Variants in AMBRA1 observed in about 807,000 individuals in gnomAD.
AMBRA1 encodes autophagy and beclin 1 regulator 1.
A neutral mutation model predicts 125.4 loss-of-function variants in AMBRA1; 47 were observed. The observed-to-expected ratio is 0.37, with a 90% CI of 0.30 to 0.48. The LOEUF (loss-of-function observed/expected upper bound fraction) is 0.48, where lower values mean the gene tolerates loss of function less well. Among genes scored for constraint, AMBRA1 ranks in the 20% least tolerant of loss-of-function variants. The probability of loss-of-function intolerance (pLI) is 0.99; values close to 1 mark genes in which losing one functional copy is unlikely to be tolerated. For missense variants in AMBRA1, 1,331 were observed against 1,693.4 expected, an observed-to-expected ratio of 0.79 and a Z score of 3.76; for synonymous variants, 626 against 655.5, an observed-to-expected ratio of 0.95 and a Z score of 0.69.
At chr11:46,489,636 G>C (rs1950395010) in intron 11 of AMBRA1, among the ~76,000 whole-genome samples, 1 of 152,150 alleles carries the variant, frequency 6.6e-6, no homozygotes, top group South Asian at 2.1e-4. Flanking sequence ...GTCCACATCT[G>C]CTAGGAGCAG....
At position 46,593,958 on chromosome 11, in the gene AMBRA1, G is replaced by A; in HGVS notation, c.-251C>T. On this transcript the variant is annotated 5_prime_UTR_variant, in exon 1 of 18. Coordinates refer to ENST00000683756, the MANE Select transcript of AMBRA1 (RefSeq NM_001387011.1). ...GGCAGGAGAAGGCGGCTTGAGCGCGGGGCCTCGCGGACAACTCAGCCCTCG... is the reference window on the plus strand; with the variant it reads ...GGCAGGAGAAGGCGGCTTGAGCGCGAGGCCTCGCGGACAACTCAGCCCTCG... The A allele has an allele frequency of 2.5e-6, 1 of 398,680 alleles. No homozygotes were observed. Among genetic ancestry groups the A allele is most frequent in the Non-Finnish European group, 4.4e-6 (1 of 226,108 alleles). The allele number at this position is 398,680 out of a possible 1,614,324, so 24.7% of individuals were successfully genotyped here. A position where few individuals can be genotyped will look rare whatever the true frequency, so the allele number is the denominator to read the frequency against.
In AMBRA1 at chr11:46,397,768, C is replaced by T; in HGVS notation, c.3579G>A (p.Gln1193=). ...GGGCGGCACCAGGTTCAGTGCCCGT[C>T]TGAGAGCTGCGGTGAATGCGGTGGC... ...IVSHRIHRSS[Q]TGTEPGAAHT... Residue 1193 remains glutamine, a synonymous_variant, in exon 18 of 18, where the codon CAG becomes CAA. Coordinates refer to ENST00000683756, the MANE Select transcript of AMBRA1 (RefSeq NM_001387011.1). The T allele has an allele frequency of 6.2e-7, 1 of 1,612,116 alleles. No homozygotes were observed. Among genetic ancestry groups the T allele is most frequent in the Non-Finnish European group, 8.5e-7 (1 of 1,180,002 alleles).
rs1476224965 is a variant in AMBRA1, at chr11:46,496,836, G to C, written c.2340-2632C>G. 2.6e-5 allele frequency among the ~76,000 whole-genome samples: 4 copies of C among 151,612 alleles called. No homozygotes were observed. The East Asian group carries it at 7.7e-4, about 29-fold the overall frequency. Reference sequence around the variant, plus strand: ...AAAAAAAAAAAGGGAAGGGGGCTGGGTGTGGTGCCTCATGCCTGTAATCCC... The same window carrying C: ...AAAAAAAAAAAGGGAAGGGGGCTGGCTGTGGTGCCTCATGCCTGTAATCCC... On this transcript the variant is annotated intron_variant, in intron 9 of 17. Transcript: ENST00000683756.
At chr11:46,434,662 T>A (rs1947632253) in intron 13 of AMBRA1, among the ~76,000 whole-genome samples, 187 bp downstream of exon 13, 1 of 152,208 alleles carries the variant, frequency 6.6e-6, no homozygotes, top group Non-Finnish European at 1.5e-5. Context: ...AGGACTCTAA[T>A]GCTCAGATGC....
Position 46,545,560 on chromosome 11 carries a change from C to A in AMBRA1, c.551+44G>T, listed in dbSNP as rs373280576. On this transcript the variant is annotated intron_variant, in intron 5 of 17. Coordinates refer to ENST00000683756, the MANE Select transcript of AMBRA1 (RefSeq NM_001387011.1). ...ACAGCCAGTAGAATGTTCTCTATCA[C>A]GTCAGTCCTGTGCCAGACAATGCAG... 83 of 1,596,720 alleles carry A rather than the reference C, an allele frequency of 5.2e-5. 2 individuals carry two copies. In the Middle Eastern group the frequency reaches 8.1e-4, roughly 16 times the overall value.
chr11:46,428,807 G>C, intron 14 of AMBRA1: 8 of 1,611,104 alleles, frequency 5.0e-6, no homozygotes, highest in Non-Finnish European at 6.8e-6. Context: ...TGTGAGTCTC[G>C]CAGGTCGCTC....
At chr11:46,433,922 C>A (rs1947579774) in intron 13 of AMBRA1, among the ~76,000 whole-genome samples, 1 of 151,986 alleles carries the variant, frequency 6.6e-6, no homozygotes, top group Non-Finnish European at 1.5e-5. Context: ...TTGAGACCAG[C>A]CTGACCAACA....
intron 11 of AMBRA1, among the ~76,000 whole-genome samples, chr11:46,483,001 T>C (rs1339473925): frequency 2.1e-5 from 3 of 144,628 alleles, no homozygotes; most frequent in African/African-American, 7.8e-5. Flanking sequence ...AGAGTGAGAC[T>C]CTGTCTCAAA....
chr11:46,484,709 C>T lies in AMBRA1; in HGVS notation c.2521+8899G>A, dbSNP rs540924187. On this transcript the variant is annotated intron_variant, in intron 11 of 17. Transcript: ENST00000683756. ...TCGCCCAGGCTGGAGTGCAGTGGTG[C>T]GATCTCTGGCTCACTGCAAGCTCCG... Among the ~76,000 whole-genome samples, 139 of 151,774 alleles carry T rather than the reference C, an allele frequency of 9.2e-4. 1 individual carries two copies. The Middle Eastern group carries it at 0.01, about 11-fold the overall frequency.
intron 11 of AMBRA1, among the ~76,000 whole-genome samples, chr11:46,470,750 G>A (rs913130499): frequency 1.3e-5 from 2 of 151,980 alleles, no homozygotes; most frequent in East Asian, 1.9e-4. Context: ...GTGACAAGGT[G>A]AGACTGTCTC....
intron 14 of AMBRA1, among the ~76,000 whole-genome samples, chr11:46,418,270 A>AAT: frequency 7.0e-6 from 1 of 142,720 alleles, no homozygotes; most frequent in South Asian, 2.1e-4. Flanking sequence ...ATTTATATAT[A>AAT]ATATGTTTTA....
chr11:46,552,490 T>C (rs1285800374), intron 1 of AMBRA1, among the ~76,000 whole-genome samples: 1 of 133,208 alleles, frequency 7.5e-6, no homozygotes, highest in African/African-American at 2.8e-5. Flanking sequence ...ATCGAGACCA[T>C]CCTGGCCAAC....
intron 8 of AMBRA1, among the ~76,000 whole-genome samples, chr11:46,510,616 T>G (rs970375256): frequency 6.6e-6 from 1 of 152,210 alleles, no homozygotes; most frequent in Admixed American, 6.5e-5. Context: ...CTAATGATAA[T>G]AAGAAGACTG....
At chr11:46,588,604 C>T (rs994674642) in intron 1 of AMBRA1, among the ~76,000 whole-genome samples, 22 of 151,072 alleles carry the variant, frequency 1.5e-4, no homozygotes, top group East Asian at 1.9e-4. Flanking sequence ...GGTGAAAACC[C>T]GTCTCTACTA....
intron 1 of AMBRA1, among the ~76,000 whole-genome samples, chr11:46,574,685 G>A: frequency 6.6e-6 from 1 of 152,138 alleles, no homozygotes; most frequent in African/African-American, 2.4e-5. Context: ...CTTAAGCAAG[G>A]TTGAGAGAAC....
chr11:46,555,077 A>AAAAC (rs918047052), intron 1 of AMBRA1, among the ~76,000 whole-genome samples: 212 of 152,248 alleles, frequency 1.4e-3, no homozygotes, highest in African/African-American at 4.9e-3. Context: ...CTGTCTTAAA[A>AAAAC]AAACAAACAA....
intron 15 of AMBRA1, among the ~76,000 whole-genome samples, chr11:46,416,240 A>C (rs1053015217): frequency 2.6e-5 from 4 of 152,236 alleles, no homozygotes; most frequent in Non-Finnish European, 5.9e-5. Context: ...GACAATCAGC[A>C]TCATGTGCTT....
At chr11:46,428,786 G>A in intron 14 of AMBRA1, 1 of 1,611,186 alleles carries the variant, frequency 6.2e-7, no homozygotes, top group South Asian at 1.1e-5. Context: ...ATCTCTGTCA[G>A]CTTCCCCTCT....
chr11:46,521,380 G>T (rs1199425514), intron 7 of AMBRA1, among the ~76,000 whole-genome samples: 1 of 152,218 alleles, frequency 6.6e-6, no homozygotes, highest in Admixed American at 6.5e-5. Flanking sequence ...TGATGCTCCT[G>T]GACTGTAAAT....
Sources: allele counts gnomAD v4.1 joint callset (sites outside exome capture counted in the v4.1 genomes callset), GRCh38; gene constraint gnomAD v4.1.1; transcripts MANE v1.5; gene names NCBI Gene and HGNC (gene_info 2026-07-23, HGNC 2026-07-21).